The following AHRR variants were observed in gnomAD, a reference collection of about 807,000 sequenced individuals.
The protein encoded by AHRR is ahR repressor.
In AHRR, 28 loss-of-function variants were observed where a neutral mutation model predicts 44.0. The observed-to-expected ratio is 0.64, with a 90% CI of 0.47 to 0.87. The LOEUF (loss-of-function observed/expected upper bound fraction) is 0.87, where lower values mean the gene tolerates loss of function less well. AHRR is among the 40% of genes least tolerant of loss of function. The pLI is 0.00. For missense variants in AHRR, 990 were observed against 953.9 expected, an observed-to-expected ratio of 1.04 and a Z score of -0.50; for synonymous variants, 434 against 407.0, an observed-to-expected ratio of 1.07 and a Z score of -0.80.
At chr5:344,503 GGT>G (rs71281520) in intron 2 of AHRR, among the ~76,000 whole-genome samples, 67 of 1,886 alleles carry the variant, frequency 0.036, no homozygotes, top group South Asian at 0.25. Flanking sequence ...TGTGTGTGTG[GGT>G]GTGTGTGTGT....
Position 419,751 on chromosome 5 carries a change from C to T in AHRR, c.442-2978C>T, listed in dbSNP as rs989607177. 5.9e-5 allele frequency among the ~76,000 whole-genome samples: 9 copies of T among 152,088 alleles called. No individual in the cohort carries two copies. The highest frequency in any genetic ancestry group is 2.2e-4 in the African/African-American group (9 of 41,412). On this transcript the variant is annotated intron_variant, in intron 5 of 10. Transcript: ENST00000684583. This position sits in a 1 kb window ranked among gnomAD's most constrained non-coding sequence, Gnocchi z 4.4. ...TTGGTATTTCTGTTTGTTGCCAACC[C>T]CTGTTTACCGGAAGTGTCCCCACAC...
chr5:403,537 GC>G (rs1735115942), intron 4 of AHRR, among the ~76,000 whole-genome samples: 2 of 151,752 alleles, frequency 1.3e-5, no homozygotes, highest in African/African-American at 4.8e-5. Flanking sequence ...TCGGGAGGCT[GC>G]AGCAGGAGAA....
In AHRR at chr5:382,879, A is replaced by C. The variant is rs1734039392; in HGVS notation, c.351+6163A>C. On this transcript the variant is annotated intron_variant, in intron 4 of 10. Transcript: ENST00000684583. ...AAATCACTGATTTTTTTAACTAACCATTCTTACTCTGTAATATAAGCATTT... is the reference window on the plus strand; with the variant it reads ...AAATCACTGATTTTTTTAACTAACCCTTCTTACTCTGTAATATAAGCATTT... 1.3e-5 allele frequency among the ~76,000 whole-genome samples: 2 copies of C among 152,176 alleles called. 1 individual carries two copies. Among genetic ancestry groups the C allele is most frequent in the South Asian group, 4.1e-4 (2 of 4,834 alleles).
chr5:340,116 T>C (rs1443010411), intron 1 of AHRR, among the ~76,000 whole-genome samples: 4 of 152,214 alleles, frequency 2.6e-5, no homozygotes, highest in African/African-American at 9.6e-5. Flanking sequence ...AGAGAATTGG[T>C]ATTATTTCTT....
At position 370,425 on chromosome 5, in the gene AHRR, C is replaced by T. The variant is rs1025451369; in HGVS notation, c.245-6185C>T. On this transcript the variant is annotated intron_variant, in intron 3 of 10. Transcript: ENST00000684583. The surrounding 1 kb of genome is among the most constrained non-coding windows in gnomAD (Gnocchi z 4.5). ...CAGAGCATCCCATCCAACTCCTGGA[C>T]GGGAGAGGTGTCGTAAGGGTCCCTC... Among the ~76,000 whole-genome samples the T allele has an allele frequency of 1.1e-4, 16 of 152,234 alleles. No individual in the cohort carries two copies. Among genetic ancestry groups the T allele is most frequent in the Middle Eastern group, 3.4e-3 (1 of 294 alleles).
At chr5:339,103 G>A (rs1742240370) in intron 1 of AHRR, among the ~76,000 whole-genome samples, 1 of 152,026 alleles carries the variant, frequency 6.6e-6, no homozygotes, top group Non-Finnish European at 1.5e-5. Context: ...TAAAATTTTT[G>A]GAATTCTCTC....
chr5:398,197 G>C (rs1230069969), intron 4 of AHRR, among the ~76,000 whole-genome samples: 4 of 113,804 alleles, frequency 3.5e-5, no homozygotes, highest in African/African-American at 1.1e-4. Flanking sequence ...GACCATCCAC[G>C]TAGCTCCTGA....
At chr5:417,639 T>C (rs534068183) in intron 5 of AHRR, among the ~76,000 whole-genome samples, 1 of 152,360 alleles carries the variant, frequency 6.6e-6, no homozygotes, top group Non-Finnish European at 1.5e-5. Context: ...GGGCAGGTGC[T>C]GTGCAGAGCA....
At chr5:413,293 A>T in intron 4 of AHRR, 51 bp from the exon 5 acceptor site, 1 of 1,354,706 alleles carries the variant, frequency 7.4e-7, no homozygotes, top group South Asian at 1.3e-5. Flanking sequence ...GCACTTTTTC[A>T]TTTTGGGTGA....
chr5:333,552 C>A (rs992876697), intron 1 of AHRR, among the ~76,000 whole-genome samples: 10 of 152,204 alleles, frequency 6.6e-5, no homozygotes, highest in African/African-American at 2.4e-4. Flanking sequence ...ACTGAGATTG[C>A]ACCACTGCAC....
intron 1 of AHRR, chr5:343,630 G>T (rs913316327): frequency 4.0e-5 from 19 of 471,248 alleles, no homozygotes; most frequent in Non-Finnish European, 6.7e-5. Context: ...TCCAGAGCAG[G>T]CGGCTTCTCT....
rs1268428871 is a variant in AHRR at position 405,222 on chromosome 5, T to C, written c.352-8122T>C. On this transcript the variant is annotated intron_variant, in intron 4 of 10. Coordinates refer to ENST00000684583, the MANE Select transcript of AHRR (RefSeq NM_001377236.1). This position sits in a 1 kb window ranked among gnomAD's most constrained non-coding sequence, Gnocchi z 4.5. ...TGCTCACGACCCAAAGAGGTTAGCA[T>C]GGAACCAACCCTCTTCCTCGGAGCT... Among the ~76,000 whole-genome samples, 1 of 152,096 alleles carries C rather than the reference T, an allele frequency of 6.6e-6. No homozygotes were observed. The highest frequency in any genetic ancestry group is 2.4e-5 in the African/African-American group (1 of 41,398).
At chr5:403,940 A>C in intron 4 of AHRR, 3 of 1,476,622 alleles carry the variant, frequency 2.0e-6, no homozygotes, top group Middle Eastern at 4.7e-4. Context: ...ATTTGATGAA[A>C]TATCTCCTCC....
At chr5:424,726 G>A (rs1736308498) in intron 7 of AHRR, among the ~76,000 whole-genome samples, 1 of 152,194 alleles carries the variant, frequency 6.6e-6, no homozygotes, top group African/African-American at 2.4e-5. Context: ...GGCGTGAGTG[G>A]CTGAGCCCAT....
chr5:383,947 A>G lies in AHRR; in HGVS notation c.351+7231A>G, dbSNP rs1383798705. 6.6e-6 allele frequency among the ~76,000 whole-genome samples: 1 copy of G among 152,084 alleles called. No homozygotes were observed. The highest frequency in any genetic ancestry group is 1.5e-5 in the Non-Finnish European group (1 of 68,010). On this transcript the variant is annotated intron_variant, in intron 4 of 10. Coordinates refer to ENST00000684583, the MANE Select transcript of AHRR (RefSeq NM_001377236.1). The surrounding 1 kb of genome is among the most constrained non-coding windows in gnomAD (Gnocchi z 4.0). ...TAATCAATTTATGTCATTATATTAAAAGTGTGTGTTTTGTTGGCAGTATGT... is the reference window on the plus strand; with the variant it reads ...TAATCAATTTATGTCATTATATTAAGAGTGTGTGTTTTGTTGGCAGTATGT...
intron 2 of AHRR, among the ~76,000 whole-genome samples, chr5:346,338 C>CACTAGCTATTCAAA (rs1399714245): frequency 1.3e-5 from 2 of 152,196 alleles, no homozygotes; most frequent in Non-Finnish European, 2.9e-5. Context: ...TAGGTGAGCA[C>CACTAGCTATTCAAA]ACTAGCTATT....
At chr5:415,325 G>A (rs1173694576) in intron 5 of AHRR, among the ~76,000 whole-genome samples, 17 of 146,954 alleles carry the variant, frequency 1.2e-4, no homozygotes, top group Admixed American at 2.7e-4. Context: ...CCTAGGGGCC[G>A]AATCTGCCTG....
Position 395,050 on chromosome 5 carries a change from G to A in AHRR, c.352-18294G>A, listed in dbSNP as rs926841580. On this transcript the variant is annotated intron_variant, in intron 4 of 10. Coordinates refer to ENST00000684583, the MANE Select transcript of AHRR (RefSeq NM_001377236.1). This position sits in a 1 kb window ranked among gnomAD's most constrained non-coding sequence, Gnocchi z 5.3. ...GAGGCATCTTGGGAGGGCAAAGGCA[G>A]GACGGGAAAGTGATTTCTCCCACCT... Among the ~76,000 whole-genome samples, 15 of 152,236 alleles carry A rather than the reference G, an allele frequency of 9.9e-5. No homozygotes were observed. Among genetic ancestry groups the A allele is most frequent in the Non-Finnish European group, 1.8e-4 (12 of 68,036 alleles).
intron 3 of AHRR, chr5:368,046 A>C: frequency 1.6e-6 from 1 of 639,612 alleles, no homozygotes; most frequent in South Asian, 1.7e-5. Context: ...TATGGGTGTT[A>C]GTTGTAAATT....
Sources: gnomAD v4.1 joint callset for allele counts (sites outside exome capture counted in the v4.1 genomes callset) on GRCh38, gnomAD v4.1.1 for gene constraint, Gnocchi (gnomAD v3.1) non-coding constraint, MANE v1.5 for transcripts, NCBI Gene and HGNC (gene_info 2026-07-23, HGNC 2026-07-21) for gene names.